The following NNT variants were observed in gnomAD, a reference collection of about 807,000 sequenced individuals.
NNT encodes the protein NAD(P) transhydrogenase, mitochondrial.
NNT carries 50 observed loss-of-function variants against 104.8 expected under a neutral mutation model. That is an observed-to-expected ratio of 0.48 (90% CI 0.38 to 0.60). The LOEUF (loss-of-function observed/expected upper bound fraction) is 0.60. Among genes scored for constraint, NNT ranks in the 20% least tolerant of loss-of-function variants. The probability of loss-of-function intolerance (pLI) is 0.00; values close to 1 mark genes in which losing one functional copy is unlikely to be tolerated. For missense variants in NNT, 1,131 were observed against 1,330.7 expected (o/e 0.85, Z 2.33); for synonymous variants, 461 against 490.4 (o/e 0.94, Z 0.79).
At position 43,651,781 on chromosome 5, in the gene NNT, G is replaced by A. The variant is rs759070764; in HGVS notation, c.1760G>A (p.Arg587His). 4.5e-5 allele frequency: 72 copies of A among 1,614,004 alleles called. No homozygotes were observed. Among genetic ancestry groups the A allele is most frequent in the Admixed American group, 3.8e-4 (23 of 60,016 alleles). ...VTQRMLDMFK[R>H]PTDPPEYNYL... The stretch of plus-strand genomic sequence containing the variant: ...CAGAGAATGCTGGACATGTTCAAGC[G>A]TCCCACTGACCCCCCAGAATACAAC... Residue 587 changes from arginine to histidine, a missense_variant, in exon 13 of 22, where the codon CGT becomes CAT. By Grantham distance (29) the Arg-to-His change is conservative. Transcript: ENST00000344920.
At position 43,644,378 on chromosome 5, in the gene NNT, G is replaced by GA; in HGVS notation, c.1098+53_1098+54insA. ...GATCACTTCTCATGTCTTGAGTTAT[G>GA]GGGGGGTGTTTATTTCTTTAAATAT... On this transcript the variant is annotated intron_variant, in intron 8 of 21. Transcript: ENST00000344920. The GA allele has an allele frequency of 3.2e-6, 5 of 1,558,320 alleles. No individual in the cohort carries two copies. The East Asian group carries it at 1.1e-4, about 35-fold the overall frequency.
intron 19 of NNT, among the ~76,000 whole-genome samples, chr5:43,694,618 C>T (rs112050415): frequency 2.3e-3 from 351 of 152,256 alleles, no homozygotes; most frequent in African/African-American, 8.1e-3. Flanking sequence ...CCTTGCATCC[C>T]TGGGATGAAG....
intron 20 of NNT, among the ~76,000 whole-genome samples, chr5:43,701,255 T>G (rs1285692425): frequency 6.6e-6 from 1 of 152,182 alleles, no homozygotes; most frequent in Non-Finnish European, 1.5e-5. Context: ...TCTGGTAGTC[T>G]CCAGGTTCTA....
intron 17 of NNT, among the ~76,000 whole-genome samples, chr5:43,666,303 A>G (rs994142171): frequency 2.6e-5 from 4 of 152,166 alleles, no homozygotes; most frequent in South Asian, 2.1e-4. Flanking sequence ...CCTGGGCAAC[A>G]TTGAGCACTG....
At chr5:43,605,076 C>A (rs915285182) in intron 1 of NNT, among the ~76,000 whole-genome samples, 10 of 152,176 alleles carry the variant, frequency 6.6e-5, no homozygotes, top group African/African-American at 1.7e-4. Context: ...GGCTTCCAAT[C>A]CGCAGATCCA....
intron 7 of NNT, among the ~76,000 whole-genome samples, chr5:43,633,669 G>A (rs576659492): frequency 6.6e-6 from 1 of 152,322 alleles, no homozygotes; most frequent in Admixed American, 6.5e-5. Flanking sequence ...GCTTGGCATA[G>A]TGGTTTGTAC....
chr5:43,656,941 C>G, intron 16 of NNT, 128 bp downstream of exon 16: 1 of 819,786 alleles, frequency 1.2e-6, no homozygotes, highest in East Asian at 2.7e-5. Flanking sequence ...AAAATTACGT[C>G]ACATGTGCAT....
chr5:43,613,843 A>G (rs761307493), intron 3 of NNT, among the ~76,000 whole-genome samples: 6 of 152,188 alleles, frequency 3.9e-5, no homozygotes, highest in Non-Finnish European at 8.8e-5. Flanking sequence ...TTCAGGAGAT[A>G]CAGCTTTTTT....
In NNT at chr5:43,622,065, A is replaced by G. The variant is rs147686307; in HGVS notation, c.688-1967A>G. 1.2e-4 allele frequency among the ~76,000 whole-genome samples: 19 copies of G among 152,312 alleles called. No homozygotes were observed. The East Asian group carries it at 3.7e-3, about 29-fold the overall frequency. The stretch of plus-strand genomic sequence containing the variant: ...GTTTGGTTTAGGATTTAAAAAAATC[A>G]TGTGGCTGTTCTGTGGGGGAATGGA... On this transcript the variant is annotated intron_variant, in intron 5 of 21. Transcript: ENST00000344920.
At chr5:43,616,371 G>C (rs1381541734) in intron 4 of NNT, among the ~76,000 whole-genome samples, 1 of 152,288 alleles carries the variant, frequency 6.6e-6, no homozygotes, top group South Asian at 2.1e-4. Context: ...AAATGTGTGT[G>C]TACATGTATA....
chr5:43,686,642 TAA>T (rs1042105346), intron 19 of NNT, among the ~76,000 whole-genome samples: 2 of 152,132 alleles, frequency 1.3e-5, no homozygotes, highest in African/African-American at 2.4e-5. Context: ...TTCTTTGTAT[TAA>T]GTGATTATTA....
In NNT at chr5:43,650,564, T is replaced by G; in HGVS notation, c.1694T>G (p.Phe565Cys). The G allele has an allele frequency of 6.2e-7, 1 of 1,613,712 alleles. No individual in the cohort carries two copies. Among genetic ancestry groups the G allele is most frequent in the Non-Finnish European group, 8.5e-7 (1 of 1,179,590 alleles). Reference sequence around the variant, plus strand: ...CAGGGCCTTGCTGCTCTTGCTGCATTCATATCCTCTGTCAACATTGCAGGT... The same window carrying G: ...CAGGGCCTTGCTGCTCTTGCTGCATGCATATCCTCTGTCAACATTGCAGGT... ...TSQGLAALAAFISSVNIAGGF... is the reference protein window; with the variant it reads ...TSQGLAALAACISSVNIAGGF... The change falls in exon 12 of 22, where the codon TTC becomes TGC. Residue 565 changes from phenylalanine to cysteine, a missense_variant. Transcript: ENST00000344920.
At chr5:43,620,979 G>T (rs1750056765) in intron 5 of NNT, among the ~76,000 whole-genome samples, 1 of 152,344 alleles carries the variant, frequency 6.6e-6, no homozygotes, top group Admixed American at 6.5e-5. Flanking sequence ...GTGGAAAAGT[G>T]ACTATCTTTA....
At chr5:43,629,121 T>C (rs921375469) in intron 7 of NNT, among the ~76,000 whole-genome samples, 11 of 152,160 alleles carry the variant, frequency 7.2e-5, no homozygotes, top group South Asian at 2.1e-4. Context: ...CAGTATACAC[T>C]GTACACAATG....
At position 43,629,299 on chromosome 5, in the gene NNT, T is replaced by C. The variant is rs962726618; in HGVS notation, c.964+912T>C. 3.9e-5 allele frequency among the ~76,000 whole-genome samples: 6 copies of C among 152,308 alleles called. 1 individual carries two copies. The South Asian group carries it at 6.2e-4, about 16-fold the overall frequency. On this transcript the variant is annotated intron_variant, in intron 7 of 21. Transcript: ENST00000344920. ...TCCATCCAAGTTTCTGTGAATGCCA[T>C]TATTTTGTTCCTTTTTGTGGCTGAG...
intron 17 of NNT, among the ~76,000 whole-genome samples, chr5:43,672,706 C>T (rs984480853): frequency 1.3e-5 from 2 of 152,210 alleles, no homozygotes; most frequent in Non-Finnish European, 1.5e-5. Context: ...TGGAGGGTGC[C>T]TCCCAGTTAG....
rs372098953 is a variant in NNT, at chr5:43,661,389, T to TTTTATTTATTTATTTA, written c.2634+2055_2634+2070dup. ...AACTTGCGGTTTGTCAGAAAGTGGC[T>TTTTATTTATTTATTTA]TTTATTTATTTATTTATTTATTTAT... On this transcript the variant is annotated intron_variant, in intron 17 of 21. Coordinates refer to ENST00000344920, the MANE Select transcript of NNT (RefSeq NM_182977.3). Among the ~76,000 whole-genome samples the TTTTATTTATTTATTTA allele has an allele frequency of 4.3e-4, 65 of 151,186 alleles. 1 individual carries two copies. The East Asian group carries it at 0.011, about 26-fold the overall frequency.
At chr5:43,675,715 A>G in intron 18 of NNT, 45 bp downstream of exon 18, 1 of 1,356,810 alleles carries the variant, frequency 7.4e-7, no homozygotes, top group Non-Finnish European at 9.7e-7. Flanking sequence ...TAGCTGTTAT[A>G]ATTGATGACA....
intron 7 of NNT, among the ~76,000 whole-genome samples, chr5:43,632,120 A>G (rs1750706044): frequency 6.6e-6 from 1 of 152,228 alleles, no homozygotes; most frequent in Non-Finnish European, 1.5e-5. Context: ...GAGTACATGA[A>G]GGTACAAATG....
Sources: allele counts gnomAD v4.1 joint callset (sites outside exome capture counted in the v4.1 genomes callset), GRCh38; gene constraint gnomAD v4.1.1; transcripts MANE v1.5; gene names NCBI Gene and HGNC (gene_info 2026-07-23, HGNC 2026-07-21).